SELP: variants seen among roughly 807,000 people sequenced by gnomAD.
The protein encoded by SELP is selectin P.
A neutral mutation model predicts 104.1 loss-of-function variants in SELP; 92 were observed. The observed-to-expected ratio is 0.88, with a 90% CI of 0.75 to 1.05. The LOEUF (loss-of-function observed/expected upper bound fraction) is 1.05, where lower values mean the gene tolerates loss of function less well. Among genes scored for constraint, SELP ranks in the 50% least tolerant of loss-of-function variants. The pLI is 0.00. For missense variants in SELP, 1,022 were observed against 1,017.3 expected, an observed-to-expected ratio of 1.00 and a Z score of -0.06; for synonymous variants, 397 against 364.5, an observed-to-expected ratio of 1.09 and a Z score of -1.01.
chr1:169,607,635 T>G (rs1168698673), intron 8 of SELP, among the ~76,000 whole-genome samples: 1 of 152,132 alleles, frequency 6.6e-6, no homozygotes, highest in Non-Finnish European at 1.5e-5. Context: ...AAAATTATAA[T>G]ATACACCATG....
Position 169,594,688 on chromosome 1 carries a change from G to A in SELP, c.2287+4C>T, listed in dbSNP as rs569148833. ...TGACTTCTTAACCCACATGAAAATT[G>A]TACCTTGGCAGGTTGGCACGGTAGT... is the stretch of plus-strand genomic sequence containing the variant. On this transcript the variant is annotated splice_donor_region_variant and intron_variant, in intron 13 of 16. Coordinates refer to ENST00000263686, the MANE Select transcript of SELP (RefSeq NM_003005.4). The A allele has an allele frequency of 8.7e-6, 14 of 1,611,846 alleles. No homozygotes were observed. The African/African-American group carries it at 1.9e-4, about 21-fold the overall frequency.
At chr1:169,604,328 T>C (rs3917766) in intron 9 of SELP, among the ~76,000 whole-genome samples, 2,049 of 152,198 alleles carry the variant, frequency 0.013, 36 homozygotes, top group African/African-American at 0.042. Flanking sequence ...TTTGTTTGAG[T>C]TCATTGTAGA....
intron 1 of SELP, among the ~76,000 whole-genome samples, chr1:169,621,776 T>C (rs1425541260): frequency 1.3e-5 from 2 of 152,172 alleles, no homozygotes; most frequent in East Asian, 3.8e-4. Flanking sequence ...ACTGAGAGTA[T>C]CATAACGTTA....
chr1:169,611,027 G>A (rs1013973879), intron 7 of SELP, among the ~76,000 whole-genome samples: 2 of 152,102 alleles, frequency 1.3e-5, no homozygotes, highest in African/African-American at 4.8e-5. Context: ...GAGGGTGTGA[G>A]GCAATTGCAG....
chr1:169,609,535 T>A lies in SELP; in HGVS notation c.1302A>T (p.Gly434=), dbSNP rs769765537. The change falls in exon 8 of 17, where the codon GGA becomes GGT. Residue 434 remains glycine, a synonymous_variant. Coordinates refer to ENST00000263686, the MANE Select transcript of SELP (RefSeq NM_003005.4). ...AGACTGGGGCTGGTGCTGTCCACTG[T>A]CCCAAGTTATCACACCGAACTATAT... ...GADIVRCDNL[G]QWTAPAPVCQ... 3 of 1,613,820 alleles carry A rather than the reference T, an allele frequency of 1.9e-6. No homozygotes were observed. Among genetic ancestry groups the A allele is most frequent in the East Asian group, 4.5e-5 (2 of 44,860 alleles).
intron 1 of SELP, 81 bp from the exon 2 acceptor site, chr1:169,619,300 A>G (rs1662977193): frequency 4.9e-6 from 5 of 1,029,716 alleles, no homozygotes; most frequent in South Asian, 1.4e-5. Context: ...AACAATCATT[A>G]TGTTGAAGTA....
intron 3 of SELP, among the ~76,000 whole-genome samples, chr1:169,615,797 A>G (rs1337093734): frequency 6.6e-6 from 1 of 152,192 alleles, no homozygotes; most frequent in African/African-American, 2.4e-5. Context: ...CTTGGGGAGA[A>G]GAGGGACAAT....
intron 2 of SELP, 26 bp from the exon 3 acceptor site, chr1:169,617,440 G>A (rs372560493): frequency 6.3e-7 from 1 of 1,599,978 alleles, no homozygotes; most frequent in African/African-American, 1.3e-5. Context: ...GTGAGTGCCA[G>A]GTTAGTACCC....
intron 1 of SELP, among the ~76,000 whole-genome samples, chr1:169,629,574 A>C (rs1663535535): frequency 6.6e-6 from 1 of 152,268 alleles, no homozygotes; most frequent in Non-Finnish European, 1.5e-5. Context: ...GCTCACAGAA[A>C]GAAATGGGAG....
At chr1:169,621,673 T>C (rs3917690) in intron 1 of SELP, among the ~76,000 whole-genome samples, 28,333 of 152,200 alleles carry the variant, frequency 0.19, 3,459 homozygotes, top group Middle Eastern at 0.29. Context: ...GCCTAGAACT[T>C]TTCATCTGGG....
At chr1:169,592,132 T>C (rs1371952749) in intron 14 of SELP, among the ~76,000 whole-genome samples, 1 of 152,196 alleles carries the variant, frequency 6.6e-6, no homozygotes, top group Non-Finnish European at 1.5e-5. Flanking sequence ...TAGGAGCTCT[T>C]GCCTCTGCCT....
At chr1:169,594,577 AG>A (rs1557945171) in intron 13 of SELP, 114 bp downstream of exon 13, 1 of 955,914 alleles carries the variant, frequency 1.0e-6, no homozygotes, top group East Asian at 2.5e-5. Flanking sequence ...CTTATTAAGC[AG>A]GGGGAAACCC....
chr1:169,603,332 T>A, intron 9 of SELP, 121 bp from the exon 10 acceptor site: 1 of 735,386 alleles, frequency 1.4e-6, no homozygotes, highest in Non-Finnish European at 2.2e-6. Flanking sequence ...TGTGTGTGTG[T>A]GTGTGTGTGT....
Position 169,611,664 on chromosome 1 carries a change from C to T in SELP, c.975G>A (p.Gln325=). ...PAPVCKAVQC[Q]HLEAPSEGTM... ...TTCCTTCACTGGGGGCTTCCAGGTG[C>T]TGACACTGCACAGCTGGAGAGAATA... Residue 325 remains glutamine, a synonymous_variant, in exon 7 of 17, where the codon CAG becomes CAA. Coordinates refer to ENST00000263686, the MANE Select transcript of SELP (RefSeq NM_003005.4). 6.2e-7 allele frequency: 1 copy of T among 1,613,894 alleles called. No homozygotes were observed. Among genetic ancestry groups the T allele is most frequent in the Non-Finnish European group, 8.5e-7 (1 of 1,179,924 alleles).
intron 5 of SELP, 75 bp from the exon 6 acceptor site, chr1:169,612,477 T>C (rs908446187): frequency 6.9e-7 from 1 of 1,447,590 alleles, no homozygotes; most frequent in Admixed American, 1.8e-5. Flanking sequence ...CTTCAAATTC[T>C]GCAGCAGTCA....
intron 8 of SELP, among the ~76,000 whole-genome samples, chr1:169,607,693 A>G (rs1662271634): frequency 6.6e-6 from 1 of 152,208 alleles, no homozygotes; most frequent in Non-Finnish European, 1.5e-5. Context: ...GAGCACACAT[A>G]TTCCATGTGT....
At chr1:169,604,529 A>C (rs1251304773) in intron 9 of SELP, among the ~76,000 whole-genome samples, 1 of 152,144 alleles carries the variant, frequency 6.6e-6, no homozygotes, top group Non-Finnish European at 1.5e-5. Flanking sequence ...CCTTGCTCCT[A>C]GGGTCATTTT....
chr1:169,613,735 A>T, intron 3 of SELP, 42 bp from the exon 4 acceptor site: 2 of 1,537,704 alleles, frequency 1.3e-6, no homozygotes, highest in Non-Finnish European at 1.8e-6. Context: ...ACATTCACAG[A>T]TGTGAGGAAA....
chr1:169,614,261 C>G (rs902727849), intron 3 of SELP, among the ~76,000 whole-genome samples: 1 of 152,134 alleles, frequency 6.6e-6, no homozygotes, highest in Non-Finnish European at 1.5e-5. Context: ...AGTGGAGAAA[C>G]AGAGGAGCCA....
Sources: gnomAD v4.1 joint callset for allele counts (sites outside exome capture counted in the v4.1 genomes callset) on GRCh38, gnomAD v4.1.1 for gene constraint, MANE v1.5 for transcripts, NCBI Gene and HGNC (gene_info 2026-07-23, HGNC 2026-07-21) for gene names.